The following LIMS2 variants were observed in gnomAD, a reference collection of about 807,000 sequenced individuals.
LIMS2 encodes LIM zinc finger domain containing 2, also known as LIM and senescent cell antigen-like-containing domain protein 2.
In LIMS2, 30 loss-of-function variants were observed where a neutral mutation model predicts 45.3. The observed-to-expected ratio is 0.66, with a 90% CI of 0.50 to 0.90. LIMS2 has a LOEUF of 0.90. Ranked by LOEUF, LIMS2 falls within the 40% of genes least tolerant of loss-of-function variation. LIMS2 has a pLI of 0.00. For synonymous variants in LIMS2, 173 were observed against 188.0 expected, an observed-to-expected ratio of 0.92 and a Z score of 0.65; for missense variants, 485 against 468.7, an observed-to-expected ratio of 1.03 and a Z score of -0.32.
intron 2 of LIMS2, 107 bp from the exon 3 acceptor site, chr2:127,655,003 G>T: frequency 8.8e-6 from 9 of 1,017,094 alleles, no homozygotes; most frequent in Non-Finnish European, 1.4e-5. Flanking sequence ...AGGCACTGAG[G>T]CAGGGGCATG....
chr2:127,643,696 C>T, intron 4 of LIMS2: 1 of 428,250 alleles, frequency 2.3e-6, no homozygotes, highest in Non-Finnish European at 4.7e-6. Context: ...AACGGAGAGA[C>T]AAATCAACAT....
intron 4 of LIMS2, chr2:127,645,763 GC>G (rs1166857671): frequency 6.6e-6 from 1 of 152,234 alleles, no homozygotes; most frequent in African/African-American, 2.4e-5. Flanking sequence ...CCGTTCACAG[GC>G]CCCCTCCGCC....
chr2:127,663,860 G>A (rs1684837195), intron 1 of LIMS2, among the ~76,000 whole-genome samples: 1 of 152,122 alleles, frequency 6.6e-6, no homozygotes, highest in African/African-American at 2.4e-5. Context: ...CCCATCCAGA[G>A]CCAACTCATT....
Position 127,664,296 on chromosome 2 carries a change from G to A in LIMS2, c.12-6734C>T. On this transcript the variant is annotated intron_variant, in intron 1 of 9. Transcript: ENST00000355119. This position sits in a 1 kb window ranked among gnomAD's most constrained non-coding sequence, Gnocchi z 5.5. ...TGTCCCCGCCACCCGCCCCGCCCCT[G>A]GCCACCTACCCCGTGGCTGGCGGCG... 8.1e-7 allele frequency: 1 copy of A among 1,236,788 alleles called. No individual in the cohort carries two copies. Among genetic ancestry groups the A allele is most frequent in the Non-Finnish European group, 1.0e-6 (1 of 990,838 alleles). 76.6% of individuals were successfully genotyped at this position (1,236,788 alleles called of 1,614,324 possible). A position where few individuals can be genotyped will look rare whatever the true frequency, so the allele number is the denominator to read the frequency against.
intron 4 of LIMS2, chr2:127,651,749 G>T: frequency 6.2e-7 from 1 of 1,611,214 alleles, no homozygotes; most frequent in Non-Finnish European, 8.5e-7. Flanking sequence ...CCAAGTCAGA[G>T]CTGTGAGCGG....
Position 127,657,492 on chromosome 2 carries a change from T to A in LIMS2, c.82A>T (p.Ile28Phe). The change falls in exon 2 of 10, where the codon ATT (isoleucine) becomes TTT (phenylalanine). Residue 28 changes from isoleucine to phenylalanine, a missense_variant. Ile to Phe is a conservative substitution (Grantham distance 21). Transcript: ENST00000355119. Reference protein sequence around the residue: ...CQARFSPAERIVNSNGELYHE... With the variant: ...CQARFSPAERFVNSNGELYHE... The stretch of plus-strand genomic sequence containing the variant: ...TACAGCTCCCCATTGCTGTTGACAA[T>A]GCGCTCGGCGGGGGAGAAGCGGGCC... 2 of 1,613,546 alleles carry A rather than the reference T, an allele frequency of 1.2e-6. No individual in the cohort carries two copies. Among genetic ancestry groups the A allele is most frequent in the Non-Finnish European group, 1.7e-6 (2 of 1,179,916 alleles).
At chr2:127,649,501 G>A (rs1215531199) in intron 4 of LIMS2, among the ~76,000 whole-genome samples, 2 of 152,216 alleles carry the variant, frequency 1.3e-5, no homozygotes, top group Admixed American at 6.5e-5. Flanking sequence ...GCCGAAGCCC[G>A]CTGGTGACCC....
intron 1 of LIMS2, 127 bp downstream of exon 1, chr2:127,674,887 G>A: frequency 8.2e-7 from 1 of 1,215,790 alleles, no homozygotes; most frequent in Non-Finnish European, 1.0e-6. Flanking sequence ...GCAGCTGCGA[G>A]AATCCGACGC....
At chr2:127,651,364 C>T (rs1307917293) in intron 4 of LIMS2, 4 of 1,612,436 alleles carry the variant, frequency 2.5e-6, no homozygotes, top group Non-Finnish European at 3.4e-6. Flanking sequence ...ACCACGGTCA[C>T]CTGCTACCTG....
At chr2:127,680,026 C>T (rs551356102), upstream of LIMS2, among the ~76,000 whole-genome samples, 1 of 152,364 alleles carries the variant, frequency 6.6e-6, no homozygotes, top group South Asian at 2.1e-4. Context: ...AGGCCTGTCC[C>T]TTTCAGGGCA....
intron 4 of LIMS2, chr2:127,648,399 T>A: frequency 6.3e-6 from 1 of 158,430 alleles, no homozygotes; most frequent in Non-Finnish European, 1.4e-5. Flanking sequence ...TCACCCTCCA[T>A]GTGAGGGCCA....
At chr2:127,681,079 C>T (rs1332633266) in intron 1 of LIMS2, among the ~76,000 whole-genome samples, 1 of 152,224 alleles carries the variant, frequency 6.6e-6, no homozygotes, top group Non-Finnish European at 1.5e-5. Context: ...CTGCCCATCC[C>T]AAGCCCAGCC....
intron 4 of LIMS2, chr2:127,650,959 T>C: frequency 6.2e-7 from 1 of 1,613,894 alleles, no homozygotes; most frequent in Non-Finnish European, 8.5e-7. Context: ...CATCTGGCCG[T>C]GGCCGACTTG....
chr2:127,641,943 C>G, intron 6 of LIMS2, 106 bp downstream of exon 6: 1 of 1,328,796 alleles, frequency 7.5e-7, no homozygotes, highest in Non-Finnish European at 1.0e-6. Context: ...TGGGAGCCAG[C>G]CACCCGCCCT....
rs988029782 is a variant in LIMS2 at position 127,640,890 on chromosome 2, G to T, written c.753+6C>A. The stretch of plus-strand genomic sequence containing the variant: ...CGCATCCCTGAAGGTTCTGCACCGG[G>T]CTCACCTGGTTGTAGTGAGTCTCGC... On this transcript the variant is annotated splice_donor_region_variant and intron_variant, in intron 7 of 9. Transcript: ENST00000355119. The T allele has an allele frequency of 6.2e-7, 1 of 1,612,560 alleles. No homozygotes were observed. The highest frequency in any genetic ancestry group is 8.5e-7 in the Non-Finnish European group (1 of 1,179,058).
In LIMS2 at chr2:127,643,084, G is replaced by T. The variant is rs781031135; in HGVS notation, c.360-12C>A. On this transcript the variant is annotated splice_polypyrimidine_tract_variant and intron_variant, in intron 4 of 9. Transcript: ENST00000355119. ...GCCGGCAGAGATGCCTGCGGGAGGC[G>T]GGGGCATTAGGGGCAGAGCCCCCAC... is the stretch of plus-strand genomic sequence containing the variant. 14 of 1,558,352 alleles carry T rather than the reference G, an allele frequency of 9.0e-6. No individual in the cohort carries two copies. The East Asian group carries it at 3.3e-4, about 37-fold the overall frequency.
At chr2:127,644,109 T>C (rs1219460870) in intron 4 of LIMS2, 2 of 456,350 alleles carry the variant, frequency 4.4e-6, no homozygotes, top group Non-Finnish European at 8.8e-6. Flanking sequence ...TGCACAGCAC[T>C]GTGCTCCATC....
In LIMS2 at chr2:127,648,771, A is replaced by T. The variant is rs577734803; in HGVS notation, c.359+5653T>A. On this transcript the variant is annotated intron_variant, in intron 4 of 9. Transcript: ENST00000355119. Reference sequence around the variant, plus strand: ...ACCGTCTCTACCAAAAAATACAAAAATTAGCCGGGTGTGGTGGTGTGCGCC... The same window carrying T: ...ACCGTCTCTACCAAAAAATACAAAATTTAGCCGGGTGTGGTGGTGTGCGCC... Among the ~76,000 whole-genome samples the T allele has an allele frequency of 3.6e-4, 54 of 151,406 alleles. 1 individual carries two copies. In the East Asian group the frequency reaches 0.01, roughly 29 times the overall value.
intron 4 of LIMS2, among the ~76,000 whole-genome samples, chr2:127,649,157 GAGGAAGGT>G (rs1363629913): frequency 4.1e-5 from 3 of 73,898 alleles, no homozygotes; most frequent in East Asian, 2.8e-4. Flanking sequence ...GTGAGAGAGA[GAGGAAGGT>G]AGGAAGGAAG....
Sources: allele counts gnomAD v4.1 joint callset (sites outside exome capture counted in the v4.1 genomes callset), GRCh38; gene constraint gnomAD v4.1.1; non-coding constraint Gnocchi (gnomAD v3.1); transcripts MANE v1.5; gene names NCBI Gene and HGNC (gene_info 2026-07-23, HGNC 2026-07-21).